The following CBFA2T3 variants were observed in gnomAD, a reference collection of about 807,000 sequenced individuals.
CBFA2T3 encodes the protein transcriptional corepressor CBFA2T3.
A neutral mutation model predicts 58.6 loss-of-function variants in CBFA2T3; 31 were observed. The observed-to-expected ratio is 0.53, with a 90% CI of 0.40 to 0.71. The LOEUF (loss-of-function observed/expected upper bound fraction) is 0.71. Ranked by LOEUF, CBFA2T3 falls within the 30% of genes least tolerant of loss-of-function variation. CBFA2T3 has a pLI of 0.00. For synonymous variants in CBFA2T3, 531 were observed against 421.9 expected (o/e 1.26, Z -3.17); for missense variants, 1,076 against 963.1 (o/e 1.12, Z -1.55).
At chr16:88,948,594 T>C (rs535125922) in intron 1 of CBFA2T3, among the ~76,000 whole-genome samples, 1 of 152,066 alleles carries the variant, frequency 6.6e-6, no homozygotes, top group East Asian at 1.9e-4. Flanking sequence ...GCCTCAGGAG[T>C]GTCTCTTGGC....
chr16:88,921,109 C>T (rs1249230604), intron 1 of CBFA2T3, among the ~76,000 whole-genome samples: 2 of 152,220 alleles, frequency 1.3e-5, no homozygotes, highest in Non-Finnish European at 2.9e-5. Flanking sequence ...TCTCACAGGG[C>T]GGAGGCCTGG....
At position 88,921,336 on chromosome 16, in the gene CBFA2T3, CGG is replaced by C. The variant is rs369378413; in HGVS notation, c.152-19682_152-19681del. Reference sequence around the variant, plus strand: ...ACACGCAGGCAGCAGAAAGGATGGGCGGGGGGAGCAGGGAAGCCGAGCCGATC... The same window carrying C: ...ACACGCAGGCAGCAGAAAGGATGGGCGGGGAGCAGGGAAGCCGAGCCGATC... On this transcript the variant is annotated intron_variant, in intron 1 of 11. Coordinates refer to ENST00000268679, the MANE Select transcript of CBFA2T3 (RefSeq NM_005187.6). 9.9e-3 allele frequency among the ~76,000 whole-genome samples: 1,512 copies of C among 152,304 alleles called. 8 individuals are homozygous for C. Among genetic ancestry groups the C allele is most frequent in the East Asian group, 0.021 (107 of 5,176 alleles).
chr16:88,879,227 G>T, intron 11 of CBFA2T3, 43 bp downstream of exon 11: 1 of 1,528,840 alleles, frequency 6.5e-7, no homozygotes, highest in Non-Finnish European at 8.9e-7. Context: ...CCGCACGGGA[G>T]CCGAGGCAGG....
intron 1 of CBFA2T3, among the ~76,000 whole-genome samples, chr16:88,912,101 T>C (rs1309042808): frequency 6.6e-6 from 1 of 152,238 alleles, no homozygotes; most frequent in African/African-American, 2.4e-5. Flanking sequence ...GGGCTTCCCG[T>C]TGGAAGGTGC....
rs914528701 is a variant in CBFA2T3 at position 88,885,390 on chromosome 16, A to T, written c.894-121T>A. 4 of 633,554 alleles carry T rather than the reference A, an allele frequency of 6.3e-6. No homozygotes were observed. In the African/African-American group the frequency reaches 7.6e-5, roughly 12 times the overall value. 39.2% of individuals were successfully genotyped at this position (633,554 alleles called of 1,614,324 possible). A position where few individuals can be genotyped will look rare whatever the true frequency, so the allele number is the denominator to read the frequency against. On this transcript the variant is annotated intron_variant, in intron 6 of 11. Transcript: ENST00000268679. The surrounding 1 kb of genome is among the most constrained non-coding windows in gnomAD (Gnocchi z 5.3). ...GAGAAAGAGGACACGTAAGGGCGAG[A>T]CAGAAACACGGAGCAAAACACCAGC...
At chr16:88,932,900 CAGA>C (rs1971362966) in intron 1 of CBFA2T3, among the ~76,000 whole-genome samples, 1 of 148,960 alleles carries the variant, frequency 6.7e-6, no homozygotes, top group Non-Finnish European at 1.5e-5. Context: ...ACCCGGGAAG[CAGA>C]GGTTGCTGTG....
At chr16:88,911,859 T>C (rs1405014673) in intron 1 of CBFA2T3, among the ~76,000 whole-genome samples, 2 of 151,802 alleles carry the variant, frequency 1.3e-5, no homozygotes, top group Non-Finnish European at 2.9e-5. Context: ...TCGGAGAGCC[T>C]CTGGGGCACA....
chr16:88,957,024 C>T (rs1472071118), intron 1 of CBFA2T3, among the ~76,000 whole-genome samples: 9 of 152,204 alleles, frequency 5.9e-5, no homozygotes, highest in Admixed American at 1.3e-4. Flanking sequence ...GTGGCTCACC[C>T]GGAGACTGCG....
intron 5 of CBFA2T3, 65 bp downstream of exon 5, chr16:88,891,817 A>C (rs1215196816): frequency 8.8e-7 from 1 of 1,132,070 alleles, no homozygotes; most frequent in East Asian, 2.4e-5. Flanking sequence ...CCACGCTGGC[A>C]AGGAGTGGGA....
rs988605367 is a variant in CBFA2T3, at chr16:88,883,283, C to T, written c.1118-522G>A. 1.1e-4 allele frequency: 18 copies of T among 160,184 alleles called. 1 individual carries two copies. The highest frequency in any genetic ancestry group is 7.5e-4 in the East Asian group (4 of 5,314). The allele number at this position is 160,184 out of a possible 1,614,324, so 9.9% of individuals were successfully genotyped here. A position where few individuals can be genotyped will look rare whatever the true frequency, so the allele number is the denominator to read the frequency against. ...AGCTGGTCTCAGTCATTCGCGGCAG[C>T]CCTCTGCGGTCACCCGCAGGCGCCC... is the stretch of plus-strand genomic sequence containing the variant. On this transcript the variant is annotated intron_variant, in intron 7 of 11. Transcript: ENST00000268679.
At chr16:88,927,496 G>A (rs1971120673) in intron 1 of CBFA2T3, among the ~76,000 whole-genome samples, 1 of 152,194 alleles carries the variant, frequency 6.6e-6, no homozygotes, top group Non-Finnish European at 1.5e-5. Context: ...CTCCTCCAGG[G>A]ACCTCCCTGC....
chr16:88,921,972 G>A lies in CBFA2T3; in HGVS notation c.152-20316C>T, dbSNP rs111353114. On this transcript the variant is annotated intron_variant, in intron 1 of 11. Transcript: ENST00000268679. ...CTCCCAGTTCACACGTGTCAAAGCT[G>A]AGGCCCACACAAGCAACTGCCTGTC... 7.3e-3 allele frequency among the ~76,000 whole-genome samples: 1,116 copies of A among 152,362 alleles called. 21 individuals are homozygous for A. The highest frequency in any genetic ancestry group is 0.026 in the African/African-American group (1,075 of 41,586).
chr16:88,920,656 G>A (rs562954583), intron 1 of CBFA2T3, among the ~76,000 whole-genome samples: 22 of 152,296 alleles, frequency 1.4e-4, no homozygotes, highest in Admixed American at 1.3e-4. Context: ...GTGGCAGGAG[G>A]CCCCACCACG....
chr16:88,944,744 C>T (rs191617248), intron 1 of CBFA2T3, among the ~76,000 whole-genome samples: 232 of 152,362 alleles, frequency 1.5e-3, no homozygotes, highest in Non-Finnish European at 2.4e-3. Context: ...GTCACCTCCC[C>T]GCAGTCATGG....
chr16:88,885,677 C>T lies in CBFA2T3; in HGVS notation c.893+284G>A, dbSNP rs531202720. ...CTGGGGACCATGGACCCCGGACGCT[C>T]GGAGTCCATGCCCGGCACACAGGGG... On this transcript the variant is annotated intron_variant, in intron 6 of 11. Coordinates refer to ENST00000268679, the MANE Select transcript of CBFA2T3 (RefSeq NM_005187.6). This position sits in a 1 kb window ranked among gnomAD's most constrained non-coding sequence, Gnocchi z 5.3. The T allele has an allele frequency of 4.8e-5, 23 of 480,822 alleles. No individual in the cohort carries two copies. The highest frequency in any genetic ancestry group is 5.4e-4 in the Middle Eastern group (1 of 1,854). 29.8% of individuals were successfully genotyped at this position (480,822 alleles called of 1,614,324 possible). A position where few individuals can be genotyped will look rare whatever the true frequency, so the allele number is the denominator to read the frequency against.
chr16:88,940,164 T>C lies in CBFA2T3; in HGVS notation c.151+36493A>G, dbSNP rs558397137. 4.6e-4 allele frequency: 71 copies of C among 154,460 alleles called. 1 individual carries two copies. Among genetic ancestry groups the C allele is most frequent in the Middle Eastern group, 2.9e-3 (5 of 1,740 alleles). 9.6% of individuals were successfully genotyped at this position (154,460 alleles called of 1,614,324 possible). On this transcript the variant is annotated intron_variant, in intron 1 of 11. Transcript: ENST00000268679. ...TTCTTCCTGGGCCCTGGAATGGGCC[T>C]GAAGTCAGCCGGCCTCAGCCCACAG...
chr16:88,925,397 C>T (rs1971054475), intron 1 of CBFA2T3, among the ~76,000 whole-genome samples: 1 of 152,206 alleles, frequency 6.6e-6, no homozygotes, highest in Admixed American at 6.5e-5. Context: ...AGGAGATCTG[C>T]AGGGGGCCAG....
At chr16:88,888,579 G>GGTGT (rs1440021413) in intron 5 of CBFA2T3, among the ~76,000 whole-genome samples, 1 of 59,030 alleles carries the variant, frequency 1.7e-5, no homozygotes, top group African/African-American at 9.1e-5. Flanking sequence ...GGGGTGGGAG[G>GGTGT]GGGTGGGGTG....
In CBFA2T3 at chr16:88,879,453, G is replaced by C. The variant is rs766051579; in HGVS notation, c.1479C>G (p.Ala493=). 1 of 1,610,300 alleles carries C rather than the reference G, an allele frequency of 6.2e-7. No homozygotes were observed. Among genetic ancestry groups the C allele is most frequent in the Non-Finnish European group, 8.5e-7 (1 of 1,177,450 alleles). Reference sequence around the variant, plus strand: ...TGGCCTGCCGCTTCACCTCATTCACGGCCTCTTCTGCAAAGGACATGGGCA... The same window carrying C: ...TGGCCTGCCGCTTCACCTCATTCACCGCCTCTTCTGCAAAGGACATGGGCA... ...PEDIWRKAEE[A]VNEVKRQAMS... is the part of the protein sequence containing the mutation. Residue 493 remains alanine, a synonymous_variant, in exon 11 of 12, where the codon GCC becomes GCG. Coordinates refer to ENST00000268679, the MANE Select transcript of CBFA2T3 (RefSeq NM_005187.6).
Sources: allele counts gnomAD v4.1 joint callset (sites outside exome capture counted in the v4.1 genomes callset), GRCh38; gene constraint gnomAD v4.1.1; non-coding constraint Gnocchi (gnomAD v3.1); transcripts MANE v1.5; gene names NCBI Gene and HGNC (gene_info 2026-07-23, HGNC 2026-07-21).